Variants in SH3GL2 observed in about 807,000 individuals in gnomAD.
The protein encoded by SH3GL2 is SH3 domain containing GRB2 like 2, endophilin A1, also known as endophilin-A1.
A neutral mutation model predicts 46.0 loss-of-function variants in SH3GL2; 24 were observed. That is an observed-to-expected ratio of 0.52 (90% CI 0.38 to 0.73). SH3GL2 has a LOEUF of 0.73. SH3GL2 is among the 30% of genes least tolerant of loss of function. The probability of loss-of-function intolerance (pLI) is 0.00; values close to 1 mark genes in which losing one functional copy is unlikely to be tolerated. For synonymous variants in SH3GL2, 196 were observed against 147.1 expected, an observed-to-expected ratio of 1.33 and a Z score of -2.40; for missense variants, 413 against 424.2, an observed-to-expected ratio of 0.97 and a Z score of 0.23.
intron 1 of SH3GL2, among the ~76,000 whole-genome samples, chr9:17,702,701 C>A (rs1385586224): frequency 1.3e-5 from 2 of 151,942 alleles, no homozygotes; most frequent in Non-Finnish European, 2.9e-5. Flanking sequence ...ATTAGTGATT[C>A]CCTAATATTC....
At chr9:17,770,456 G>A (rs1227987054) in intron 3 of SH3GL2, among the ~76,000 whole-genome samples, 1 of 152,132 alleles carries the variant, frequency 6.6e-6, no homozygotes, top group Non-Finnish European at 1.5e-5. Context: ...TGTGGCAAGT[G>A]TACTCTAGGG....
At chr9:17,706,308 G>A (rs1011452098) in intron 1 of SH3GL2, among the ~76,000 whole-genome samples, 1 of 151,980 alleles carries the variant, frequency 6.6e-6, no homozygotes, top group South Asian at 2.1e-4. Flanking sequence ...CTTAGAATGT[G>A]TGTTGAAGTT....
intron 1 of SH3GL2, among the ~76,000 whole-genome samples, chr9:17,637,656 G>A (rs972465358): frequency 5.9e-5 from 9 of 152,198 alleles, no homozygotes; most frequent in Non-Finnish European, 1.2e-4. Flanking sequence ...TTAGGCAAAT[G>A]TCTTGTCCTT....
At chr9:17,738,483 T>C (rs559258327) in intron 1 of SH3GL2, among the ~76,000 whole-genome samples, 3 of 150,100 alleles carry the variant, frequency 2.0e-5, no homozygotes, top group South Asian at 2.1e-4. Flanking sequence ...TACTTATGTA[T>C]ACACACACAC....
intron 1 of SH3GL2, among the ~76,000 whole-genome samples, chr9:17,727,558 T>A (rs1293928722): frequency 2.0e-5 from 3 of 152,188 alleles, no homozygotes; most frequent in Non-Finnish European, 4.4e-5. Flanking sequence ...CCTCTGACTT[T>A]CCTGCCCCAG....
At chr9:17,614,779 C>T (rs943716248) in intron 1 of SH3GL2, among the ~76,000 whole-genome samples, 1 of 152,070 alleles carries the variant, frequency 6.6e-6, no homozygotes, top group Non-Finnish European at 1.5e-5. Context: ...CCTTTTCTAC[C>T]AAGTGAAGTT....
At chr9:17,662,111 T>C (rs1354892345) in intron 1 of SH3GL2, among the ~76,000 whole-genome samples, 1 of 152,254 alleles carries the variant, frequency 6.6e-6, no homozygotes, top group East Asian at 1.9e-4. Context: ...GAGTGCTTGA[T>C]AAGAATGTGC....
Position 17,744,369 on chromosome 9 carries a change from A to ATT in SH3GL2, c.46-2683_46-2682dup, listed in dbSNP as rs10671259. 2.4e-3 allele frequency among the ~76,000 whole-genome samples: 352 copies of ATT among 144,508 alleles called. 2 individuals carry two copies. The highest frequency in any genetic ancestry group is 8.2e-3 in the African/African-American group (323 of 39,526). The allele number at this position is 144,508 out of a possible 152,430, so 94.8% of individuals were successfully genotyped here. A position where few individuals can be genotyped will look rare whatever the true frequency, so the allele number is the denominator to read the frequency against. ...GCTCGTCAACTCACTGGCACTTGAA[A>ATT]TTTTTTTTTTTTTTTGAGTCTGAGT... On this transcript the variant is annotated intron_variant, in intron 1 of 8. Transcript: ENST00000380607.
intron 1 of SH3GL2, chr9:17,589,995 T>G (rs551242593): frequency 6.6e-6 from 1 of 152,346 alleles, no homozygotes; most frequent in South Asian, 2.1e-4. Context: ...TTTTAGGGAC[T>G]TGGTGTCAGT....
In SH3GL2 at chr9:17,623,626, G is replaced by GA. The variant is rs1032032877; in HGVS notation, c.45+44346dup. On this transcript the variant is annotated intron_variant, in intron 1 of 8. Transcript: ENST00000380607. The stretch of plus-strand genomic sequence containing the variant: ...GCTTGGAAATCATTTCAAATTTACA[G>GA]AAAAAAATTACAAAGAATACCTGTC... Among the ~76,000 whole-genome samples, 6 of 151,558 alleles carry GA rather than the reference G, an allele frequency of 4.0e-5. No individual in the cohort carries two copies. In the South Asian group the frequency reaches 1.3e-3, roughly 32 times the overall value.
intron 1 of SH3GL2, among the ~76,000 whole-genome samples, chr9:17,660,070 C>T (rs552518903): frequency 1.3e-5 from 2 of 152,266 alleles, no homozygotes; most frequent in East Asian, 3.9e-4. Context: ...TATTTAGTGT[C>T]TTTGAGTTAG....
intron 7 of SH3GL2, 50 bp from the exon 8 acceptor site, chr9:17,793,317 A>G: frequency 6.6e-7 from 1 of 1,521,104 alleles, no homozygotes; most frequent in Non-Finnish European, 9.0e-7. Flanking sequence ...TTTTCATTTT[A>G]CTTCTTAACT....
intron 1 of SH3GL2, among the ~76,000 whole-genome samples, chr9:17,625,492 C>T (rs1819261088): frequency 6.6e-6 from 1 of 152,218 alleles, no homozygotes; most frequent in African/African-American, 2.4e-5. Context: ...TTTCTCATCT[C>T]ATGGGATCCT....
intron 1 of SH3GL2, among the ~76,000 whole-genome samples, chr9:17,606,586 T>G (rs1025622090): frequency 6.6e-6 from 1 of 152,228 alleles, no homozygotes; most frequent in Non-Finnish European, 1.5e-5. Context: ...GTATCCATCA[T>G]GAGAGATCTG....
At chr9:17,650,745 CA>C (rs1444245829) in intron 1 of SH3GL2, among the ~76,000 whole-genome samples, 1 of 152,240 alleles carries the variant, frequency 6.6e-6, no homozygotes, top group African/African-American at 2.4e-5. Context: ...ATACATTATA[CA>C]GTCTTTCCTA....
At chr9:17,717,928 A>G (rs943230294) in intron 1 of SH3GL2, among the ~76,000 whole-genome samples, 5 of 152,100 alleles carry the variant, frequency 3.3e-5, no homozygotes, top group African/African-American at 4.8e-5. Flanking sequence ...TGGGTTCCAC[A>G]TAATTAATAA....
intron 1 of SH3GL2, among the ~76,000 whole-genome samples, chr9:17,656,783 AAAAAC>A (rs1194958801): frequency 2.0e-5 from 3 of 151,084 alleles, no homozygotes; most frequent in African/African-American, 4.8e-5. Context: ...AAAAAAAAAA[AAAAAC>A]AAAAAAGGCT....
chr9:17,621,768 T>A lies in SH3GL2; in HGVS notation c.45+42481T>A, dbSNP rs115760227. ...GGTAAGTGGTGGAGAGTTAAAGCCA[T>A]TACATGGATCACTCAGGACAAAAAC... On this transcript the variant is annotated intron_variant, in intron 1 of 8. Coordinates refer to ENST00000380607, the MANE Select transcript of SH3GL2 (RefSeq NM_003026.5). 6.4e-3 allele frequency among the ~76,000 whole-genome samples: 968 copies of A among 152,264 alleles called. 14 individuals are homozygous for A. Among genetic ancestry groups the A allele is most frequent in the African/African-American group, 0.022 (912 of 41,536 alleles).
intron 1 of SH3GL2, among the ~76,000 whole-genome samples, chr9:17,742,869 A>C (rs1452207827): frequency 6.6e-6 from 1 of 152,158 alleles, no homozygotes; most frequent in Non-Finnish European, 1.5e-5. Flanking sequence ...TTTGGATGAT[A>C]CAGGGGGACA....
Sources: allele counts gnomAD v4.1 joint callset (sites outside exome capture counted in the v4.1 genomes callset), GRCh38; gene constraint gnomAD v4.1.1; transcripts MANE v1.5; gene names NCBI Gene and HGNC (gene_info 2026-07-23, HGNC 2026-07-21).